CDKAL1: variants seen among roughly 807,000 people sequenced by gnomAD.
CDKAL1 encodes CDKAL1 threonylcarbamoyladenosine tRNA methylthiotransferase, also known as threonylcarbamoyladenosine tRNA methylthiotransferase.
CDKAL1 carries 32 observed loss-of-function variants against 68.2 expected under a neutral mutation model. The observed-to-expected ratio is 0.47, with a 90% CI of 0.35 to 0.63. CDKAL1 has a LOEUF of 0.63. Among genes scored for constraint, CDKAL1 ranks in the 30% least tolerant of loss-of-function variants. The pLI is 0.00. For synonymous variants in CDKAL1, 234 were observed against 244.3 expected, an observed-to-expected ratio of 0.96 and a Z score of 0.39; for missense variants, 606 against 696.7, an observed-to-expected ratio of 0.87 and a Z score of 1.47.
intron 5 of CDKAL1, among the ~76,000 whole-genome samples, chr6:20,734,971 G>T (rs150596829): frequency 7.1e-6 from 1 of 141,434 alleles, no homozygotes; most frequent in Non-Finnish European, 1.5e-5. Flanking sequence ...CCTGGTTCAA[G>T]CAATTCCCTG....
chr6:20,812,482 G>A (rs1776863038), intron 8 of CDKAL1, among the ~76,000 whole-genome samples: 1 of 152,182 alleles, frequency 6.6e-6, no homozygotes, highest in African/African-American at 2.4e-5. Context: ...CCATAATCAT[G>A]ATAATGAACG....
chr6:20,644,854 C>G (rs1458492753), intron 4 of CDKAL1, among the ~76,000 whole-genome samples: 1 of 152,128 alleles, frequency 6.6e-6, no homozygotes, highest in African/African-American at 2.4e-5. Flanking sequence ...GTTGCTTAAG[C>G]ACAGGAATTT....
chr6:20,989,276 G>C (rs1766663468), intron 10 of CDKAL1, among the ~76,000 whole-genome samples: 1 of 152,160 alleles, frequency 6.6e-6, no homozygotes, highest in Admixed American at 6.5e-5. Flanking sequence ...AGAATGCAGA[G>C]GAGATTATTG....
chr6:20,602,331 G>T (rs1272374189), intron 4 of CDKAL1, among the ~76,000 whole-genome samples: 3 of 152,022 alleles, frequency 2.0e-5, no homozygotes, highest in Non-Finnish European at 4.4e-5. Context: ...GTGACTACTG[G>T]AATTTAAGTT....
At chr6:21,173,824 C>A (rs745475271) in intron 13 of CDKAL1, among the ~76,000 whole-genome samples, 1 of 152,190 alleles carries the variant, frequency 6.6e-6, no homozygotes, top group Non-Finnish European at 1.5e-5. Flanking sequence ...CATCCCAACA[C>A]TTTGGGAGGC....
intron 15 of CDKAL1, among the ~76,000 whole-genome samples, 159 bp from the exon 16 acceptor site, chr6:21,230,689 A>G (rs193224938): frequency 9.9e-4 from 150 of 150,946 alleles, no homozygotes; most frequent in African/African-American, 3.5e-3. Context: ...ATTCATACCT[A>G]CCTTGGGGCC....
At chr6:20,897,277 G>A (rs189602037) in intron 9 of CDKAL1, among the ~76,000 whole-genome samples, 14 of 152,280 alleles carry the variant, frequency 9.2e-5, no homozygotes, top group Admixed American at 4.6e-4. Context: ...TCAGAAATGA[G>A]TAAGTCAAAT....
chr6:21,054,212 CTT>C (rs1172667516), intron 11 of CDKAL1, among the ~76,000 whole-genome samples: 1 of 152,076 alleles, frequency 6.6e-6, no homozygotes, highest in Non-Finnish European at 1.5e-5. Context: ...ATTGAAAACG[CTT>C]TGTTTCCTGC....
At chr6:21,058,580 A>T (rs1275829405) in intron 11 of CDKAL1, among the ~76,000 whole-genome samples, 1 of 152,194 alleles carries the variant, frequency 6.6e-6, no homozygotes, top group East Asian at 1.9e-4. Flanking sequence ...TATTTTGCAG[A>T]CTTGTTTATG....
At chr6:20,755,788 T>C (rs1056011184) in intron 6 of CDKAL1, among the ~76,000 whole-genome samples, 1 of 152,254 alleles carries the variant, frequency 6.6e-6, no homozygotes. Context: ...TATAAATTCA[T>C]GGTCTCATAT....
At chr6:20,878,690 C>G (rs752563464) in intron 9 of CDKAL1, among the ~76,000 whole-genome samples, 1 of 151,878 alleles carries the variant, frequency 6.6e-6, no homozygotes. Flanking sequence ...GAGCTGAGAT[C>G]ATGCCACTGC....
intron 7 of CDKAL1, among the ~76,000 whole-genome samples, chr6:20,779,247 C>T (rs9358367): frequency 0.96 from 146,033 of 152,300 alleles, 70,024 homozygotes; most frequent in East Asian, 1. Context: ...AAATGTTAAA[C>T]ATAAATTTAC....
intron 11 of CDKAL1, among the ~76,000 whole-genome samples, chr6:21,006,018 AT>A (rs2150829984): frequency 6.6e-6 from 1 of 152,268 alleles, no homozygotes; most frequent in East Asian, 1.9e-4. Context: ...TTATGGCAGG[AT>A]GATGACTGTG....
At chr6:20,684,627 A>G (rs776240875) in intron 5 of CDKAL1, among the ~76,000 whole-genome samples, 10 of 152,218 alleles carry the variant, frequency 6.6e-5, no homozygotes, top group Non-Finnish European at 1.2e-4. Flanking sequence ...ATCATTTTGC[A>G]TTTGTATCCA....
chr6:21,193,679 CT>C (rs1244640027), intron 13 of CDKAL1, among the ~76,000 whole-genome samples: 4 of 152,210 alleles, frequency 2.6e-5, no homozygotes, highest in Non-Finnish European at 5.9e-5. Flanking sequence ...CCTCTTCAGA[CT>C]TTTTTCCCTT....
chr6:21,032,370 G>C (rs1163215655), intron 11 of CDKAL1, among the ~76,000 whole-genome samples: 1 of 152,006 alleles, frequency 6.6e-6, no homozygotes, highest in Non-Finnish European at 1.5e-5. Context: ...CACTGCACCT[G>C]GCTATTTCCC....
chr6:20,823,609 C>A (rs1333306295), intron 8 of CDKAL1, among the ~76,000 whole-genome samples: 2 of 152,068 alleles, frequency 1.3e-5, no homozygotes, highest in African/African-American at 4.8e-5. Context: ...GAAAATAAAA[C>A]ATAAAAAATG....
chr6:20,764,489 A>G (rs1274770211), intron 7 of CDKAL1, among the ~76,000 whole-genome samples: 1 of 152,188 alleles, frequency 6.6e-6, no homozygotes, highest in African/African-American at 2.4e-5. Context: ...TTCCCAGAGT[A>G]CGTCACCAAG....
In CDKAL1 at chr6:20,659,331, T is replaced by C. The variant is rs189459103; in HGVS notation, c.371+9954T>C. Reference sequence around the variant, plus strand: ...AACTCTTCTAATTATATGAAATGGCTATAGTTTAGTATCAGTTTCATCTTT... The same window carrying C: ...AACTCTTCTAATTATATGAAATGGCCATAGTTTAGTATCAGTTTCATCTTT... On this transcript the variant is annotated intron_variant, in intron 5 of 15. Transcript: ENST00000274695. Among the ~76,000 whole-genome samples the C allele has an allele frequency of 9.8e-5, 15 of 152,338 alleles. No homozygotes were observed. The East Asian group carries it at 2.7e-3, about 27-fold the overall frequency.
Sources: gnomAD v4.1 joint callset for allele counts (sites outside exome capture counted in the v4.1 genomes callset) on GRCh38, gnomAD v4.1.1 for gene constraint, MANE v1.5 for transcripts, NCBI Gene and HGNC (gene_info 2026-07-23, HGNC 2026-07-21) for gene names.